PRKG1: variants seen among roughly 807,000 people sequenced by gnomAD.
PRKG1 encodes cGMP-dependent protein kinase 1.
A neutral mutation model predicts 88.1 loss-of-function variants in PRKG1; 35 were observed. That is an observed-to-expected ratio of 0.40 (90% CI 0.30 to 0.53). The LOEUF (loss-of-function observed/expected upper bound fraction) is 0.53. PRKG1 is among the 20% of genes least tolerant of loss of function. PRKG1 has a pLI of 0.59. For synonymous variants in PRKG1, 303 were observed against 292.5 expected (o/e 1.04, Z -0.37); for missense variants, 540 against 839.8 (o/e 0.64, Z 4.41).
intron 2 of PRKG1, among the ~76,000 whole-genome samples, chr10:51,318,221 T>G (rs1841370542): frequency 6.6e-6 from 1 of 152,106 alleles, no homozygotes; most frequent in Admixed American, 6.6e-5. Context: ...ATATGGAAAT[T>G]TATGTTTCTT....
chr10:52,206,624 TA>T (rs1270196142), intron 9 of PRKG1, among the ~76,000 whole-genome samples: 1 of 152,154 alleles, frequency 6.6e-6, no homozygotes. Context: ...CCCTGGCATT[TA>T]ATCGTGGTAT....
Position 51,907,510 on chromosome 10 carries a change from T to G in PRKG1, c.702T>G (p.Val234=). 1 of 1,613,162 alleles carries G rather than the reference T, an allele frequency of 6.2e-7. No homozygotes were observed. The highest frequency in any genetic ancestry group is 8.5e-7 in the Non-Finnish European group (1 of 1,179,322). Residue 234 remains valine, a synonymous_variant, in exon 5 of 18, where the codon GTT becomes GTG. Transcript: ENST00000373980. ...ACTATTCTGTTTTGTTTTTCAGCGTTCCAACATTCCAGAGCCTTCCTGAAG... is the reference window on the plus strand; with the variant it reads ...ACTATTCTGTTTTGTTTTTCAGCGTGCCAACATTCCAGAGCCTTCCTGAAG... ...HTEYMEFLKS[V]PTFQSLPEEI... is the part of the protein sequence containing the mutation.
chr10:51,055,979 G>C (rs911563617), intron 1 of PRKG1, among the ~76,000 whole-genome samples: 4 of 152,108 alleles, frequency 2.6e-5, no homozygotes, highest in Admixed American at 1.3e-4. Context: ...CTCAAAAAGT[G>C]GTGGGAAGGG....
At chr10:51,059,552 A>G (rs1589127433) in intron 1 of PRKG1, among the ~76,000 whole-genome samples, 1 of 152,172 alleles carries the variant, frequency 6.6e-6, no homozygotes, top group African/African-American at 2.4e-5. Context: ...ATGAGCCGCC[A>G]CACCTGGCTT....
At chr10:51,915,834 A>G (rs11000119) in intron 5 of PRKG1, among the ~76,000 whole-genome samples, 54,041 of 152,044 alleles carry the variant, frequency 0.36, 10,145 homozygotes, top group Non-Finnish European at 0.41. Context: ...CAAAAGTCCT[A>G]TAAGGACACA....
At chr10:51,474,983 T>G (rs954231366) in intron 3 of PRKG1, among the ~76,000 whole-genome samples, 3 of 152,016 alleles carry the variant, frequency 2.0e-5, no homozygotes, top group African/African-American at 7.2e-5. Context: ...TAATGTAATC[T>G]TCAAAATACC....
intron 7 of PRKG1, among the ~76,000 whole-genome samples, chr10:52,105,350 C>A (rs750164122): frequency 1.3e-5 from 2 of 152,140 alleles, no homozygotes; most frequent in Non-Finnish European, 2.9e-5. Context: ...TCTTTGTAAA[C>A]ACATCTCCAA....
intron 2 of PRKG1, among the ~76,000 whole-genome samples, chr10:51,269,526 A>G (rs1256511892): frequency 2.0e-5 from 3 of 152,178 alleles, no homozygotes; most frequent in Non-Finnish European, 2.9e-5. Flanking sequence ...ATGGAATACT[A>G]CTCAGCCATA....
intron 2 of PRKG1, among the ~76,000 whole-genome samples, chr10:51,323,687 G>T (rs1841510428): frequency 1.3e-5 from 2 of 152,176 alleles, no homozygotes; most frequent in Admixed American, 6.5e-5. Flanking sequence ...TGATATGTCA[G>T]GCTGGACACA....
chr10:51,377,764 T>G (rs1394485456), intron 2 of PRKG1, among the ~76,000 whole-genome samples: 6 of 152,230 alleles, frequency 3.9e-5, no homozygotes, highest in African/African-American at 1.4e-4. Context: ...ACTGCTTTCA[T>G]TAGAAGAGGT....
chr10:51,760,466 C>T (rs1369051148), intron 3 of PRKG1, among the ~76,000 whole-genome samples: 1 of 127,584 alleles, frequency 7.8e-6, no homozygotes, highest in African/African-American at 2.8e-5. Flanking sequence ...TATTGCTTGA[C>T]TTTTCGTTTT....
chr10:51,169,719 A>G (rs1185710739), intron 2 of PRKG1, among the ~76,000 whole-genome samples: 1 of 138,642 alleles, frequency 7.2e-6, no homozygotes, highest in Admixed American at 6.9e-5. Context: ...CTTGGCAGAC[A>G]TGAACTTGAA....
intron 2 of PRKG1, among the ~76,000 whole-genome samples, chr10:51,269,031 A>G (rs1839909261): frequency 6.6e-6 from 1 of 152,088 alleles, no homozygotes; most frequent in Non-Finnish European, 1.5e-5. Context: ...CAGCAAGGAA[A>G]AAACAATCCT....
chr10:51,274,887 G>A (rs1271637201), intron 2 of PRKG1, among the ~76,000 whole-genome samples: 2 of 152,202 alleles, frequency 1.3e-5, no homozygotes, highest in African/African-American at 4.8e-5. Flanking sequence ...CAAACACATG[G>A]AGGATGGATA....
chr10:51,554,192 A>ATGTGCG (rs1837240605), intron 3 of PRKG1, among the ~76,000 whole-genome samples: 4 of 147,704 alleles, frequency 2.7e-5, no homozygotes, highest in South Asian at 4.2e-4. Flanking sequence ...TATATATTAT[A>ATGTGCG]TATGTGCGTA....
chr10:51,577,103 A>T (rs7918587), intron 3 of PRKG1, among the ~76,000 whole-genome samples: 10,506 of 152,046 alleles, frequency 0.069, 1,193 homozygotes, highest in African/African-American at 0.24. Context: ...GTTATAGTAC[A>T]GTGTGGATTC....
At chr10:52,014,270 C>T (rs1407495808) in intron 5 of PRKG1, among the ~76,000 whole-genome samples, 1 of 152,026 alleles carries the variant, frequency 6.6e-6, no homozygotes, top group African/African-American at 2.4e-5. Context: ...AAGAAACTTA[C>T]AATCATGGCA....
At chr10:51,628,114 CTTTA>C (rs1251076022) in intron 3 of PRKG1, among the ~76,000 whole-genome samples, 18 of 121,858 alleles carry the variant, frequency 1.5e-4, no homozygotes, top group Non-Finnish European at 2.6e-4. Context: ...TTCTTTCCTT[CTTTA>C]TTTCTCTTTC....
chr10:52,210,511 C>G (rs1355216576), intron 9 of PRKG1, among the ~76,000 whole-genome samples: 1 of 152,082 alleles, frequency 6.6e-6, no homozygotes, highest in Non-Finnish European at 1.5e-5. Flanking sequence ...TAACAATTCT[C>G]ACGGTAGGTT....
Sources: allele counts gnomAD v4.1 joint callset (sites outside exome capture counted in the v4.1 genomes callset), GRCh38; gene constraint gnomAD v4.1.1; transcripts MANE v1.5; gene names NCBI Gene and HGNC (gene_info 2026-07-23, HGNC 2026-07-21).